Variants in GALNT13 observed in about 807,000 individuals in gnomAD.
The protein encoded by GALNT13 is UDP-GalNAc:polypeptide N-acetylgalactosaminyltransferase 13.
GALNT13 carries 28 observed loss-of-function variants against 64.2 expected under a neutral mutation model. That is an observed-to-expected ratio of 0.44 (90% CI 0.32 to 0.60). GALNT13 has a LOEUF of 0.60. Ranked by LOEUF, GALNT13 falls within the 20% of genes least tolerant of loss-of-function variation. The pLI is 0.05. For missense variants in GALNT13, 577 were observed against 669.8 expected (o/e 0.86, Z 1.53); for synonymous variants, 214 against 224.6 (o/e 0.95, Z 0.42).
intron 3 of GALNT13, among the ~76,000 whole-genome samples, chr2:154,038,613 CAA>C (rs1357253767): frequency 6.6e-6 from 1 of 151,992 alleles, no homozygotes; most frequent in Non-Finnish European, 1.5e-5. Context: ...AATATCAACT[CAA>C]AATGTATTAA....
chr2:153,321,808 T>C, the GALNT13 span, among the ~76,000 whole-genome samples: 1 of 152,146 alleles, frequency 6.6e-6, no homozygotes. Flanking sequence ...TTGGTAGGGA[T>C]ATGAAGTAAA....
At chr2:153,877,473 A>C (rs1686459686) in intron 1 of GALNT13, among the ~76,000 whole-genome samples, 1 of 152,194 alleles carries the variant, frequency 6.6e-6, no homozygotes, top group Non-Finnish European at 1.5e-5. Flanking sequence ...AATCATCCAA[A>C]TAACATCTTG....
intron 12 of GALNT13, chr2:154,445,728 C>A: frequency 2.1e-6 from 2 of 946,948 alleles, no homozygotes; most frequent in East Asian, 6.5e-5. Context: ...CATTAAGCTG[C>A]CTGAGAGAAG....
At chr2:153,688,825 A>G in the GALNT13 span, among the ~76,000 whole-genome samples, 1 of 151,982 alleles carries the variant, frequency 6.6e-6, no homozygotes, top group African/African-American at 2.4e-5. Flanking sequence ...ATGTAATACA[A>G]TGTATTGTTT....
intron 11 of GALNT13, among the ~76,000 whole-genome samples, chr2:154,422,345 G>A (rs1700289782): frequency 6.6e-6 from 1 of 152,284 alleles, no homozygotes; most frequent in East Asian, 1.9e-4. Flanking sequence ...TTCACAGCAA[G>A]CAGGGGCAGA....
chr2:154,249,420 G>A (rs1482196134), intron 7 of GALNT13, among the ~76,000 whole-genome samples: 2 of 152,158 alleles, frequency 1.3e-5, no homozygotes, highest in African/African-American at 4.8e-5. Context: ...TACTACTAAA[G>A]TGGTGTGGAC....
chr2:153,927,205 A>G (rs887211482), intron 2 of GALNT13, among the ~76,000 whole-genome samples: 2 of 152,026 alleles, frequency 1.3e-5, no homozygotes, highest in Admixed American at 6.6e-5. Flanking sequence ...TTATGTTTCT[A>G]TCTGCAAAGA....
the GALNT13 span, among the ~76,000 whole-genome samples, chr2:153,282,910 C>A: frequency 6.6e-6 from 1 of 152,196 alleles, no homozygotes; most frequent in Non-Finnish European, 1.5e-5. Flanking sequence ...TGGGCAGAAT[C>A]TTTTGGCCTT....
intron 4 of GALNT13, among the ~76,000 whole-genome samples, chr2:154,170,885 A>G (rs145293681): frequency 1.6e-3 from 243 of 152,292 alleles, no homozygotes; most frequent in African/African-American, 5.6e-3. Flanking sequence ...TTTTAAACAA[A>G]TGAATAATAC....
At chr2:153,654,985 C>T in the GALNT13 span, among the ~76,000 whole-genome samples, 3 of 152,020 alleles carry the variant, frequency 2.0e-5, no homozygotes, top group Admixed American at 6.6e-5. Context: ...TAGCACCTAA[C>T]TTATGTTAAG....
chr2:153,859,310 G>A, the GALNT13 span, among the ~76,000 whole-genome samples: 3 of 152,100 alleles, frequency 2.0e-5, no homozygotes, highest in Non-Finnish European at 2.9e-5. Context: ...TTTCTAACAC[G>A]TGAAGATACT....
At chr2:153,782,192 G>A in the GALNT13 span, among the ~76,000 whole-genome samples, 2 of 152,130 alleles carry the variant, frequency 1.3e-5, no homozygotes, top group African/African-American at 4.8e-5. Flanking sequence ...TCTGAGAAAT[G>A]CCTTCATGCA....
intron 10 of GALNT13, among the ~76,000 whole-genome samples, chr2:154,397,020 T>C (rs1699086991): frequency 6.6e-6 from 1 of 151,294 alleles, no homozygotes; most frequent in South Asian, 2.1e-4. Context: ...ATAGCATATA[T>C]ATCTCAATTG....
At chr2:153,858,694 G>GA in the GALNT13 span, among the ~76,000 whole-genome samples, 134 of 152,090 alleles carry the variant, frequency 8.8e-4, 2 homozygotes, top group East Asian at 0.025. Flanking sequence ...TGCCTGTATA[G>GA]AAAAAACCTA....
chr2:153,754,405 A>C, the GALNT13 span, among the ~76,000 whole-genome samples: 1 of 152,092 alleles, frequency 6.6e-6, no homozygotes, highest in Non-Finnish European at 1.5e-5. Context: ...GCAGGTGATA[A>C]ATCCTACCAG....
the GALNT13 span, among the ~76,000 whole-genome samples, chr2:153,674,958 C>A: frequency 6.6e-6 from 1 of 152,192 alleles, no homozygotes; most frequent in African/African-American, 2.4e-5. Context: ...CTCATTATCA[C>A]TGGTTATCAG....
the GALNT13 span, among the ~76,000 whole-genome samples, chr2:153,150,409 C>T: frequency 6.6e-6 from 1 of 151,974 alleles, no homozygotes; most frequent in Non-Finnish European, 1.5e-5. Flanking sequence ...ACAATTTTCT[C>T]CCATTCTGTA....
chr2:153,536,028 C>G, the GALNT13 span, among the ~76,000 whole-genome samples: 3 of 152,274 alleles, frequency 2.0e-5, 1 homozygote. Context: ...TTGAGTAAAA[C>G]TAATTTGCCA....
At chr2:154,276,789 G>T (rs998437831) in intron 8 of GALNT13, among the ~76,000 whole-genome samples, 1 of 152,164 alleles carries the variant, frequency 6.6e-6, no homozygotes, top group African/African-American at 2.4e-5. Context: ...TTAGTTGAGT[G>T]CTGCTGTTCT....
Sources: allele counts gnomAD v4.1 joint callset (sites outside exome capture counted in the v4.1 genomes callset), GRCh38; gene constraint gnomAD v4.1.1; transcripts MANE v1.5; gene names NCBI Gene and HGNC (gene_info 2026-07-23, HGNC 2026-07-21).